The following MARK3 variants were observed in gnomAD, a reference collection of about 807,000 sequenced individuals.
MARK3 encodes microtubule affinity regulating kinase 3.
In MARK3, 46 loss-of-function variants were observed where a neutral mutation model predicts 90.1. That is an observed-to-expected ratio of 0.51 (90% CI 0.40 to 0.65). The LOEUF is 0.65. Ranked by LOEUF, MARK3 falls within the 30% of genes least tolerant of loss-of-function variation. The pLI, the probability that MARK3 is intolerant of heterozygous loss-of-function variation, is 0.00. For synonymous variants in MARK3, 321 were observed against 332.6 expected (o/e 0.97, Z 0.38); for missense variants, 818 against 947.2 (o/e 0.86, Z 1.79).
chr14:103,454,188 T>C (rs780471377), intron 5 of MARK3, among the ~76,000 whole-genome samples: 13 of 152,026 alleles, frequency 8.6e-5, no homozygotes, highest in Non-Finnish European at 1.8e-4. Context: ...CTCAGTGCAC[T>C]TGGCAACATT....
At chr14:103,493,764 A>G (rs150255718) in intron 15 of MARK3, among the ~76,000 whole-genome samples, 2,984 of 150,916 alleles carry the variant, frequency 0.02, 53 homozygotes, top group South Asian at 0.059. Flanking sequence ...AGTCCCAGCT[A>G]CCCAGGAGGC....
intron 9 of MARK3, 67 bp from the exon 10 acceptor site, chr14:103,466,276 T>A: frequency 7.5e-7 from 1 of 1,331,976 alleles, no homozygotes; most frequent in Non-Finnish European, 1.0e-6. Flanking sequence ...AAAATAAATT[T>A]TTGTAAATAT....
At chr14:103,495,312 T>TCTA (rs2075280207) in intron 15 of MARK3, among the ~76,000 whole-genome samples, 1 of 152,198 alleles carries the variant, frequency 6.6e-6, no homozygotes, top group South Asian at 2.1e-4. Flanking sequence ...AAACCCCATC[T>TCTA]CTACTAAAAA....
chr14:103,386,038 T>A lies in MARK3; in HGVS notation c.9T>A (p.Thr3=). 1.9e-6 allele frequency: 3 copies of A among 1,614,052 alleles called. No individual in the cohort carries two copies. Among genetic ancestry groups the A allele is most frequent in the Non-Finnish European group, 1.7e-6 (2 of 1,179,876 alleles). MS[T]RTPLPTVNER... ...AATTAAAGTGCAGTAAAATGTCCACTAGGACCCCATTGCCAACGGTGAATG... is the reference window on the plus strand; with the variant it reads ...AATTAAAGTGCAGTAAAATGTCCACAAGGACCCCATTGCCAACGGTGAATG... Residue 3 remains threonine (T), a synonymous_variant, in exon 1 of 18, where the codon ACT becomes ACA. Coordinates refer to ENST00000429436, the MANE Select transcript of MARK3 (RefSeq NM_001128918.3).
chr14:103,412,220 A>T, intron 2 of MARK3: 1 of 888,850 alleles, frequency 1.1e-6, no homozygotes, highest in Non-Finnish European at 1.8e-6. Flanking sequence ...GTTAACAGCC[A>T]GGTGAATGTT....
At chr14:103,444,039 T>C (rs2092927889) in intron 3 of MARK3, among the ~76,000 whole-genome samples, 2 of 151,866 alleles carry the variant, frequency 1.3e-5, no homozygotes, top group Non-Finnish European at 2.9e-5. Context: ...ACCCCCGTGT[T>C]CTCTTTTACA....
At chr14:103,499,618 C>A (rs2075542738) in intron 16 of MARK3, 1 of 152,468 alleles carries the variant, frequency 6.6e-6, no homozygotes, top group African/African-American at 2.4e-5. Flanking sequence ...GCGGGAAAAG[C>A]ACTTTCTTCC....
Position 103,457,172 on chromosome 14 carries a change from G to A in MARK3, c.443G>A (p.Gly148Asp). 1.2e-6 allele frequency: 2 copies of A among 1,610,846 alleles called. No individual in the cohort carries two copies. Among genetic ancestry groups the A allele is most frequent in the Non-Finnish European group, 1.7e-6 (2 of 1,177,390 alleles). Residue 148 changes from glycine (G) to aspartate (D), a missense_variant, in exon 6 of 18, where the codon GGC (glycine) becomes GAC (aspartate). Gly to Asp is a moderately conservative substitution (Grantham distance 94, BLOSUM62 -1). Coordinates refer to ENST00000429436, the MANE Select transcript of MARK3 (RefSeq NM_001128918.3). ...GEVFDYLVAH[G>D]RMKEKEARSK... Reference sequence around the variant, plus strand: ...GTATTTGACTATTTGGTTGCACATGGCAGGATGAAGGAAAAAGAAGCAAGA... The same window carrying A: ...GTATTTGACTATTTGGTTGCACATGACAGGATGAAGGAAAAAGAAGCAAGA...
rs151175723 is a variant in MARK3 at position 103,488,279 on chromosome 14, G to A, written c.1587-3498G>A. ...TCCATCTGCTTCTGCCTCCTTGGCC[G>A]TAGTTCCATGATTGGGCTCGGCACC... On this transcript the variant is annotated intron_variant, in intron 14 of 17. Coordinates refer to ENST00000429436, the MANE Select transcript of MARK3 (RefSeq NM_001128918.3). Among the ~76,000 whole-genome samples the A allele has an allele frequency of 1.4e-3, 214 of 152,174 alleles. 1 individual carries two copies. Among genetic ancestry groups the A allele is most frequent in the African/African-American group, 4.9e-3 (205 of 41,500 alleles).
chr14:103,469,568 C>G (rs1379492429), intron 12 of MARK3, among the ~76,000 whole-genome samples: 2 of 152,050 alleles, frequency 1.3e-5, no homozygotes, highest in Non-Finnish European at 2.9e-5. Context: ...TCACTGCAAC[C>G]TCAGCCTCCG....
At chr14:103,477,352 T>C (rs2093732057) in intron 13 of MARK3, among the ~76,000 whole-genome samples, 1 of 151,846 alleles carries the variant, frequency 6.6e-6, no homozygotes. Context: ...ATTAGCCGGG[T>C]ATAGTGGCGT....
At chr14:103,388,021 T>G (rs1004678621) in intron 1 of MARK3, among the ~76,000 whole-genome samples, 2 of 152,136 alleles carry the variant, frequency 1.3e-5, no homozygotes, top group Admixed American at 1.3e-4. Flanking sequence ...AACCTCCGCC[T>G]CCCGGGTTCA....
intron 1 of MARK3, among the ~76,000 whole-genome samples, chr14:103,387,271 G>A (rs148850511): frequency 2.4e-4 from 37 of 152,230 alleles, no homozygotes; most frequent in East Asian, 1.7e-3. Context: ...ATCCGTAAAC[G>A]TAAACCATAG....
At chr14:103,398,853 GT>G (rs1566767364) in intron 1 of MARK3, among the ~76,000 whole-genome samples, 1 of 152,130 alleles carries the variant, frequency 6.6e-6, no homozygotes, top group South Asian at 2.1e-4. Context: ...TTTTGTTTTT[GT>G]TTTTTAACAT....
In MARK3 at chr14:103,462,425, C is replaced by G. The variant is rs777409510; in HGVS notation, c.504C>G (p.Tyr168Ter). 1 of 1,604,486 alleles carries G rather than the reference C, an allele frequency of 6.2e-7. No homozygotes were observed. The highest frequency in any genetic ancestry group is 8.5e-7 in the Non-Finnish European group (1 of 1,171,964). Residue 168 changes from tyrosine (Y) to a stop codon, truncating the protein, a stop_gained, in exon 7 of 18, where the codon TAC becomes TAG. Transcript: ENST00000429436. LOFTEE classifies it high-confidence loss of function. ...KFRQIVSAVQ[Y>*]CHQKRIVHRD... ...TTCAGATTGTGTCTGCAGTTCAATA[C>G]TGCCATCAGAAACGGATCGTACATC...
intron 14 of MARK3, among the ~76,000 whole-genome samples, chr14:103,482,698 G>A (rs1011693769): frequency 1.3e-5 from 2 of 152,024 alleles, no homozygotes; most frequent in Non-Finnish European, 1.5e-5. Flanking sequence ...TCATACACCA[G>A]GCACATGCAT....
intron 2 of MARK3, among the ~76,000 whole-genome samples, chr14:103,422,500 A>C (rs1351178614): frequency 6.6e-6 from 1 of 152,178 alleles, no homozygotes; most frequent in African/African-American, 2.4e-5. Flanking sequence ...AAGTGCCCAA[A>C]TCATAAGTGT....
intron 4 of MARK3, among the ~76,000 whole-genome samples, chr14:103,451,686 G>A (rs1467479735): frequency 6.6e-6 from 1 of 152,160 alleles, no homozygotes; most frequent in African/African-American, 2.4e-5. Flanking sequence ...GAGCACATAT[G>A]GAAGTCACAC....
intron 3 of MARK3, chr14:103,441,635 T>C (rs1239572685): frequency 1.3e-5 from 2 of 152,178 alleles, no homozygotes; most frequent in African/African-American, 2.4e-5. Context: ...GTCATAAACA[T>C]ATTTTTCTCT....
Sources: allele counts gnomAD v4.1 joint callset (sites outside exome capture counted in the v4.1 genomes callset), GRCh38; gene constraint gnomAD v4.1.1; transcripts MANE v1.5; gene names NCBI Gene and HGNC (gene_info 2026-07-23, HGNC 2026-07-21).